SNX4: variants seen among roughly 807,000 people sequenced by gnomAD.
The protein encoded by SNX4 is sorting nexin-4.
Under a neutral mutation model 70.8 loss-of-function variants are expected in SNX4, and 49 were observed. That is an observed-to-expected ratio of 0.69 (90% CI 0.55 to 0.88). The LOEUF (loss-of-function observed/expected upper bound fraction) is 0.88. Among genes scored for constraint, SNX4 ranks in the 40% least tolerant of loss-of-function variants. The pLI is 0.00. For synonymous variants in SNX4, 206 were observed against 183.8 expected, an observed-to-expected ratio of 1.12 and a Z score of -0.98; for missense variants, 528 against 544.8, an observed-to-expected ratio of 0.97 and a Z score of 0.31.
At chr3:125,489,041 C>A (rs1469738159) in intron 6 of SNX4, among the ~76,000 whole-genome samples, 1 of 152,114 alleles carries the variant, frequency 6.6e-6, no homozygotes, top group Non-Finnish European at 1.5e-5. Context: ...CTAGACGGTT[C>A]ATTATTAAGT....
In SNX4 at chr3:125,462,070, T is replaced by C. The variant is rs114096746; in HGVS notation, c.855-1210A>G. Among the ~76,000 whole-genome samples the C allele has an allele frequency of 6.1e-3, 925 of 152,290 alleles. 6 individuals are homozygous for C. Among genetic ancestry groups the C allele is most frequent in the African/African-American group, 0.02 (823 of 41,570 alleles). On this transcript the variant is annotated intron_variant, in intron 9 of 13. Transcript: ENST00000251775. ...TGTACAGAATGTGATGGCTCCCACA[T>C]TGCTTCTCCAAACCATACAAGCACA...
rs951248114 is a variant in SNX4, at chr3:125,446,740, T to C, written c.*1039A>G. ...TAAAACATATAAAAAAGTCAAATGC[T>C]AAACAGGACTAGGGATTTTTTTTTA... is the stretch of plus-strand genomic sequence containing the variant. On this transcript the variant is annotated 3_prime_UTR_variant, in exon 14 of 14. Coordinates refer to ENST00000251775, the MANE Select transcript of SNX4 (RefSeq NM_003794.4). 4 of 152,520 alleles carry C rather than the reference T, an allele frequency of 2.6e-5. No individual in the cohort carries two copies. Among genetic ancestry groups the C allele is most frequent in the Non-Finnish European group, 4.4e-5 (3 of 68,024 alleles). 9.4% of individuals were successfully genotyped at this position (152,520 alleles called of 1,614,324 possible). A position where few individuals can be genotyped will look rare whatever the true frequency, so the allele number is the denominator to read the frequency against.
At chr3:125,519,606 T>G (rs1302187293) in intron 1 of SNX4, among the ~76,000 whole-genome samples, 1 of 152,096 alleles carries the variant, frequency 6.6e-6, no homozygotes, top group African/African-American at 2.4e-5. Context: ...TGTGTCCCTT[T>G]AAGCTACTCC....
intron 9 of SNX4, among the ~76,000 whole-genome samples, chr3:125,464,010 C>A (rs1384905330): frequency 1.3e-5 from 2 of 151,924 alleles, no homozygotes; most frequent in East Asian, 3.9e-4. Context: ...GAGTTTGAGA[C>A]CAGCCTGGGT....
intron 2 of SNX4, among the ~76,000 whole-genome samples, chr3:125,504,200 GCACATGCCTGTAA>G (rs1934991945): frequency 6.6e-6 from 1 of 152,132 alleles, no homozygotes; most frequent in Non-Finnish European, 1.5e-5. Context: ...GGGTGTGGTA[GCACATGCCTGTAA>G]TCCCAGCTAC....
At chr3:125,516,290 CCTT>C (rs1935276169) in intron 1 of SNX4, among the ~76,000 whole-genome samples, 1 of 152,212 alleles carries the variant, frequency 6.6e-6, no homozygotes, top group Non-Finnish European at 1.5e-5. Flanking sequence ...TATTTCCTCT[CCTT>C]CTGCTCGGGC....
At chr3:125,500,080 CA>C (rs59600453) in intron 2 of SNX4, among the ~76,000 whole-genome samples, 375 of 140,114 alleles carry the variant, frequency 2.7e-3, no homozygotes, top group African/African-American at 7.7e-3. Context: ...AAACAAACAC[CA>C]AAAAAAAAAA....
chr3:125,506,412 T>C (rs997829314), intron 1 of SNX4, among the ~76,000 whole-genome samples: 3 of 151,266 alleles, frequency 2.0e-5, no homozygotes, highest in African/African-American at 7.3e-5. Flanking sequence ...GCAATCTCAA[T>C]TCAGCGCAAC....
chr3:125,494,021 A>G (rs1350146806), intron 5 of SNX4, among the ~76,000 whole-genome samples: 1 of 145,982 alleles, frequency 6.9e-6, no homozygotes, highest in African/African-American at 2.6e-5. Flanking sequence ...GGGGCGACAG[A>G]GCAAGACTCC....
At chr3:125,516,866 G>A (rs892329115) in intron 1 of SNX4, 9 of 152,156 alleles carry the variant, frequency 5.9e-5, no homozygotes, top group African/African-American at 2.2e-4. Flanking sequence ...TGGTGGTTAA[G>A]CAAGCTGTTT....
Position 125,447,502 on chromosome 3 carries a change from G to C in SNX4, c.*277C>G. 1 of 266,292 alleles carries C rather than the reference G, an allele frequency of 3.8e-6. No individual in the cohort carries two copies. Among genetic ancestry groups the C allele is most frequent in the Non-Finnish European group, 6.9e-6 (1 of 143,984 alleles). 16.5% of individuals were successfully genotyped at this position (266,292 alleles called of 1,614,324 possible). A position where few individuals can be genotyped will look rare whatever the true frequency, so the allele number is the denominator to read the frequency against. ...ACGAACATCTTGACATTCAGTCATT[G>C]GTTCAGAAGCGTGACAAACAATCTG... is the stretch of plus-strand genomic sequence containing the variant. On this transcript the variant is annotated 3_prime_UTR_variant, in exon 14 of 14. Coordinates refer to ENST00000251775, the MANE Select transcript of SNX4 (RefSeq NM_003794.4).
At chr3:125,462,240 A>G (rs1933900900) in intron 9 of SNX4, among the ~76,000 whole-genome samples, 1 of 152,068 alleles carries the variant, frequency 6.6e-6, no homozygotes, top group South Asian at 2.1e-4. Flanking sequence ...ATTCTTATTT[A>G]TTTGAATTAT....
Position 125,497,877 on chromosome 3 carries a change from G to T in SNX4, c.506C>A (p.Pro169His). Residue 169 changes from proline (P) to histidine (H), a missense_variant, in exon 4 of 14, where the codon CCC (proline) becomes CAC (histidine). Coordinates refer to ENST00000251775, the MANE Select transcript of SNX4 (RefSeq NM_003794.4). ...ENFLLRIASH[P>H]ILCRDKIFYL... ...GAAGATTTTGTCTCTACAAAGGATG[G>T]GATGTGAAGCAATCCTCAAGAGAAA... The T allele has an allele frequency of 8.1e-6, 13 of 1,613,848 alleles. No individual in the cohort carries two copies. The highest frequency in any genetic ancestry group is 1.1e-5 in the Non-Finnish European group (13 of 1,179,796).
At position 125,460,867 on chromosome 3, in the gene SNX4, TA is replaced by T. The variant is rs748943963; in HGVS notation, c.855-8del. On this transcript the variant is annotated splice_polypyrimidine_tract_variant and splice_region_variant and intron_variant, in intron 9 of 13. Coordinates refer to ENST00000251775, the MANE Select transcript of SNX4 (RefSeq NM_003794.4). ...ATCAATAGAAGATGCATACCTGTTT[TA>T]AAAAAAAAAACACACATTGCATAGA... is the stretch of plus-strand genomic sequence containing the variant. 15,721 of 1,024,576 alleles carry T rather than the reference TA, an allele frequency of 0.015. No homozygotes were observed. Among genetic ancestry groups the T allele is most frequent in the South Asian group, 0.023 (1,227 of 52,750 alleles). 63.5% of individuals were successfully genotyped at this position (1,024,576 alleles called of 1,614,324 possible). A position where few individuals can be genotyped will look rare whatever the true frequency, so the allele number is the denominator to read the frequency against.
chr3:125,513,604 T>A (rs887250816), intron 1 of SNX4, among the ~76,000 whole-genome samples: 5 of 152,230 alleles, frequency 3.3e-5, no homozygotes, highest in African/African-American at 1.2e-4. Flanking sequence ...ATATAAATCA[T>A]CTGTATCCCA....
chr3:125,480,267 G>A lies in SNX4; in HGVS notation c.706C>T (p.His236Tyr), dbSNP rs778495568. 14 of 1,566,178 alleles carry A rather than the reference G, an allele frequency of 8.9e-6. No individual in the cohort carries two copies. Among genetic ancestry groups the A allele is most frequent in the East Asian group, 7.0e-5 (3 of 43,116 alleles). Residue 236 changes from histidine to tyrosine, a missense_variant, in exon 7 of 14, where the codon CAT becomes TAT. Physicochemically the swap from His to Tyr is moderately conservative, Grantham distance 83. Transcript: ENST00000251775. ...YSDELQSVISHLLRVRARVAD... is the reference protein window; with the variant it reads ...YSDELQSVISYLLRVRARVAD... The stretch of plus-strand genomic sequence containing the variant: ...CTTACAGCTCTGACTCGAAGAAGAT[G>A]TGAGATGACAGACTGCAGTTCATCA...
At chr3:125,465,585 C>A (rs1004565088) in intron 9 of SNX4, among the ~76,000 whole-genome samples, 1 of 151,804 alleles carries the variant, frequency 6.6e-6, no homozygotes, top group South Asian at 2.1e-4. Flanking sequence ...CAGTTTTGTT[C>A]TTTGTCAAGA....
intron 5 of SNX4, among the ~76,000 whole-genome samples, chr3:125,495,653 TA>T (rs886699134): frequency 6.6e-6 from 1 of 152,150 alleles, no homozygotes; most frequent in African/African-American, 2.4e-5. Context: ...AGCAATTTTA[TA>T]ATGATGGAGA....
chr3:125,488,708 C>T (rs1934589615), intron 6 of SNX4, among the ~76,000 whole-genome samples: 1 of 152,114 alleles, frequency 6.6e-6, no homozygotes, highest in African/African-American at 2.4e-5. Flanking sequence ...CTGAAGGATT[C>T]ACTAGAGAAA....
Sources: gnomAD v4.1 joint callset for allele counts (sites outside exome capture counted in the v4.1 genomes callset) on GRCh38, gnomAD v4.1.1 for gene constraint, MANE v1.5 for transcripts, NCBI Gene and HGNC (gene_info 2026-07-23, HGNC 2026-07-21) for gene names.